SLX9: variants seen among roughly 807,000 people sequenced by gnomAD.
SLX9 encodes SLX9 ribosome biogenesis factor.
SLX9 carries 19 observed loss-of-function variants against 20.8 expected under a neutral mutation model. That is an observed-to-expected ratio of 0.91 (90% CI 0.64 to 1.34). SLX9 has a LOEUF of 1.34. Ranked by LOEUF, SLX9 falls within the 40% of genes most tolerant of loss-of-function variation. The pLI is 0.00. For synonymous variants in SLX9, 113 were observed against 137.1 expected, an observed-to-expected ratio of 0.82 and a Z score of 1.23; for missense variants, 299 against 322.2, an observed-to-expected ratio of 0.93 and a Z score of 0.55.
At chr21:44,954,992 T>A (rs1352128802) in intron 2 of SLX9, among the ~76,000 whole-genome samples, 1 of 152,054 alleles carries the variant, frequency 6.6e-6, no homozygotes, top group Non-Finnish European at 1.5e-5. Context: ...GGCAGGTGGA[T>A]CACTTGAGGT....
At chr21:44,941,890 G>C (rs8129394) in intron 1 of SLX9, among the ~76,000 whole-genome samples, 136,268 of 152,224 alleles carry the variant, frequency 0.9, 61,151 homozygotes, top group African/African-American at 0.97. Context: ...CACACGAGCT[G>C]CAGACAAGGC....
chr21:44,968,861 C>T (rs1166079223), intron 4 of SLX9, among the ~76,000 whole-genome samples: 3 of 150,806 alleles, frequency 2.0e-5, no homozygotes, highest in East Asian at 3.9e-4. Context: ...TCACACCATT[C>T]TCCTGCCTCA....
intron 5 of SLX9, among the ~76,000 whole-genome samples, chr21:44,973,935 C>A (rs1310140943): frequency 6.6e-6 from 1 of 152,172 alleles, no homozygotes; most frequent in African/African-American, 2.4e-5. Context: ...GGACGCAGCC[C>A]CATCTCCGCC....
intron 5 of SLX9, among the ~76,000 whole-genome samples, chr21:44,976,034 C>T (rs922110633): frequency 7.9e-5 from 12 of 152,256 alleles, no homozygotes; most frequent in African/African-American, 2.9e-4. Context: ...TTGGCAGCTG[C>T]GGCAGAGCCC....
intron 5 of SLX9, among the ~76,000 whole-genome samples, chr21:44,974,251 A>G (rs1379334841): frequency 1.2e-5 from 1 of 84,054 alleles, no homozygotes; most frequent in African/African-American, 3.1e-5. Context: ...GTTTTGTGTC[A>G]GTTCTACCGA....
chr21:44,945,651 A>G (rs1457590983), intron 2 of SLX9, among the ~76,000 whole-genome samples: 2 of 152,226 alleles, frequency 1.3e-5, no homozygotes, highest in African/African-American at 4.8e-5. Context: ...GGTCGTGCCC[A>G]GCAGCCCTGT....
intron 3 of SLX9, among the ~76,000 whole-genome samples, chr21:44,965,343 G>A (rs954656125): frequency 1.3e-5 from 2 of 151,960 alleles, no homozygotes; most frequent in Middle Eastern, 3.2e-3. Flanking sequence ...CGTGGGTCCC[G>A]CCCCGCCACT....
At chr21:44,952,804 C>T (rs1275112045) in intron 2 of SLX9, among the ~76,000 whole-genome samples, 2 of 152,308 alleles carry the variant, frequency 1.3e-5, no homozygotes, top group South Asian at 2.1e-4. Context: ...ACTTGGAGCT[C>T]GGTGGCTGGA....
intron 5 of SLX9, among the ~76,000 whole-genome samples, chr21:44,976,057 C>T (rs1441795246): frequency 2.6e-5 from 4 of 152,250 alleles, no homozygotes; most frequent in Admixed American, 1.3e-4. Flanking sequence ...CTGGGAGCTG[C>T]CCCCGAGGCT....
At chr21:44,950,644 C>T (rs1204195965) in intron 2 of SLX9, among the ~76,000 whole-genome samples, 3 of 152,230 alleles carry the variant, frequency 2.0e-5, no homozygotes, top group Admixed American at 1.3e-4. Context: ...CGGCTGGGAG[C>T]GTGGCCCTGT....
At chr21:44,968,679 G>T (rs1329480044) in intron 4 of SLX9, among the ~76,000 whole-genome samples, 1 of 152,148 alleles carries the variant, frequency 6.6e-6, no homozygotes, top group Non-Finnish European at 1.5e-5. Flanking sequence ...AGCTTTCAGG[G>T]CTGGAAAGAG....
At chr21:44,952,210 G>A (rs897671089) in intron 2 of SLX9, among the ~76,000 whole-genome samples, 6 of 152,228 alleles carry the variant, frequency 3.9e-5, no homozygotes, top group Non-Finnish European at 5.9e-5. Context: ...TTTGTGGGCC[G>A]TGCAAGTCTG....
chr21:44,954,833 CTT>C (rs2146637082), intron 2 of SLX9, among the ~76,000 whole-genome samples: 1 of 152,306 alleles, frequency 6.6e-6, no homozygotes, highest in South Asian at 2.1e-4. Context: ...AGGACACTGT[CTT>C]TGACCAGGAC....
intron 3 of SLX9, among the ~76,000 whole-genome samples, chr21:44,964,634 T>C (rs1236935880): frequency 6.6e-6 from 1 of 152,208 alleles, no homozygotes; most frequent in African/African-American, 2.4e-5. Flanking sequence ...GGGTGGGTAG[T>C]TGGAACCACA....
intron 5 of SLX9, among the ~76,000 whole-genome samples, chr21:44,974,998 A>G (rs960938237): frequency 3.3e-5 from 5 of 152,188 alleles, no homozygotes; most frequent in Non-Finnish European, 7.4e-5. Context: ...GCTCAGGTTA[A>G]CGGGTCTCCT....
intron 2 of SLX9, among the ~76,000 whole-genome samples, chr21:44,949,902 T>A (rs2084722760): frequency 6.6e-6 from 1 of 152,152 alleles, no homozygotes; most frequent in Non-Finnish European, 1.5e-5. Context: ...GACCTTGGCT[T>A]CCTGGCCGTC....
intron 3 of SLX9, among the ~76,000 whole-genome samples, chr21:44,960,648 C>G (rs1463773049): frequency 1.3e-5 from 2 of 152,256 alleles, no homozygotes; most frequent in African/African-American, 4.8e-5. Context: ...AGTGTCTGCG[C>G]ATAGCGGCGT....
chr21:44,950,095 C>A (rs2084727450), intron 2 of SLX9, among the ~76,000 whole-genome samples: 1 of 147,412 alleles, frequency 6.8e-6, no homozygotes, highest in Non-Finnish European at 1.5e-5. Context: ...GGGTTGTCTT[C>A]AGGGATTTTT....
intron 4 of SLX9, among the ~76,000 whole-genome samples, chr21:44,968,049 G>T (rs1289196594): frequency 6.6e-6 from 1 of 151,912 alleles, no homozygotes; most frequent in Non-Finnish European, 1.5e-5. Flanking sequence ...TGCATGAGTG[G>T]CCAAGCCAGC....
Sources: allele counts gnomAD v4.1 joint callset (sites outside exome capture counted in the v4.1 genomes callset), GRCh38; gene constraint gnomAD v4.1.1; transcripts MANE v1.5; gene names NCBI Gene and HGNC (gene_info 2026-07-23, HGNC 2026-07-21).